The following FAM13A variants were observed in gnomAD, a reference collection of about 807,000 sequenced individuals.
FAM13A encodes protein FAM13A.
A neutral mutation model predicts 129.6 loss-of-function variants in FAM13A; 76 were observed. The ratio of observed to expected loss-of-function variants is 0.59; its 90% CI spans 0.49 to 0.71. The LOEUF (loss-of-function observed/expected upper bound fraction) is 0.71. Among genes scored for constraint, FAM13A ranks in the 30% least tolerant of loss-of-function variants. FAM13A has a pLI of 0.00. For synonymous variants in FAM13A, 443 were observed against 449.9 expected, an observed-to-expected ratio of 0.98 and a Z score of 0.20; for missense variants, 1,108 against 1,249.3, an observed-to-expected ratio of 0.89 and a Z score of 1.70.
intron 4 of FAM13A, among the ~76,000 whole-genome samples, chr4:88,942,350 T>C (rs1409898347): frequency 1.3e-5 from 2 of 152,022 alleles, no homozygotes; most frequent in Non-Finnish European, 2.9e-5. Context: ...GCGGATCACC[T>C]GAGGTTAGGA....
chr4:89,000,653 C>T (rs1764136898), intron 3 of FAM13A, among the ~76,000 whole-genome samples: 2 of 152,134 alleles, frequency 1.3e-5, no homozygotes, highest in South Asian at 4.1e-4. Context: ...GAATTGTACA[C>T]TTTAAGAAGG....
rs748135534 is a variant in FAM13A, at chr4:89,020,459, C to T, written c.427+1G>A. The T allele has an allele frequency of 5.6e-6, 9 of 1,611,400 alleles. No individual in the cohort carries two copies. The highest frequency in any genetic ancestry group is 5.9e-6 in the Non-Finnish European group (7 of 1,177,752). On this transcript the variant is annotated splice_donor_variant, in intron 3 of 23. Coordinates refer to ENST00000264344, the MANE Select transcript of FAM13A (RefSeq NM_014883.4). LOFTEE classifies it high-confidence loss of function. ...CTCCTAAAAGGATTTATTGTACTAA[C>T]CCTGAAAGAGTTGAATGAATCGAGG...
chr4:89,045,996 C>T (rs144852179), intron 1 of FAM13A, among the ~76,000 whole-genome samples: 6,423 of 148,676 alleles, frequency 0.043, 206 homozygotes, highest in Non-Finnish European at 0.069. Flanking sequence ...CGCACTCCAG[C>T]CTGGGCAACA....
At chr4:88,923,571 T>C (rs1751521615) in intron 5 of FAM13A, among the ~76,000 whole-genome samples, 1 of 152,110 alleles carries the variant, frequency 6.6e-6, no homozygotes, top group South Asian at 2.1e-4. Context: ...TAAGAGCTAT[T>C]TATGACAAAC....
intron 14 of FAM13A, among the ~76,000 whole-genome samples, chr4:88,756,992 A>G (rs1743781119): frequency 1.3e-5 from 2 of 152,218 alleles, no homozygotes; most frequent in South Asian, 4.1e-4. Flanking sequence ...TACTTGGAAT[A>G]CACAATCCAC....
chr4:89,041,713 G>C (rs778421512), intron 1 of FAM13A, among the ~76,000 whole-genome samples: 6 of 152,094 alleles, frequency 3.9e-5, no homozygotes, highest in Non-Finnish European at 7.4e-5. Context: ...TTGAGCCCAG[G>C]AGTTCGAGAC....
intron 6 of FAM13A, among the ~76,000 whole-genome samples, chr4:88,873,323 A>C (rs1487934596): frequency 6.6e-6 from 1 of 152,228 alleles, no homozygotes; most frequent in Non-Finnish European, 1.5e-5. Flanking sequence ...GACACAAAAA[A>C]ACCCTTCAAA....
intron 6 of FAM13A, among the ~76,000 whole-genome samples, chr4:88,869,563 T>C (rs1741004399): frequency 6.6e-6 from 1 of 152,256 alleles, no homozygotes; most frequent in African/African-American, 2.4e-5. Context: ...TTCCCTGATG[T>C]ATCAGCTTAA....
At chr4:88,902,049 T>G (rs147137190) in intron 6 of FAM13A, among the ~76,000 whole-genome samples, 18 of 152,108 alleles carry the variant, frequency 1.2e-4, no homozygotes, top group African/African-American at 4.1e-4. Context: ...CTCCCAAGAC[T>G]GAAACAGGAT....
chr4:88,842,470 A>T (rs1011893617), intron 7 of FAM13A, among the ~76,000 whole-genome samples: 2 of 152,210 alleles, frequency 1.3e-5, no homozygotes, highest in Admixed American at 1.3e-4. Flanking sequence ...CTTTTACATC[A>T]CTTCTATTGT....
Position 88,739,108 on chromosome 4 carries a change from C to A in FAM13A, c.2484G>T (p.Arg828=). 2 of 1,613,582 alleles carry A rather than the reference C, an allele frequency of 1.2e-6. No individual in the cohort carries two copies. The highest frequency in any genetic ancestry group is 2.2e-5 in the South Asian group (2 of 91,060). Residue 828 remains arginine (R), a synonymous_variant, in exon 20 of 24, where the codon CGG becomes CGT. Transcript: ENST00000264344. Reference sequence around the variant, plus strand: ...TGTCGTATAGTGGCTTCATCACCTGCCGTTCGTTCTTTGTTACCTGAAAAG... The same window carrying A: ...TGTCGTATAGTGGCTTCATCACCTGACGTTCGTTCTTTGTTACCTGAAAAG... ...IHGRPVTKNE[R]QVMKPLYDRY...
chr4:89,054,568 C>T (rs958687899), intron 1 of FAM13A, among the ~76,000 whole-genome samples: 6 of 152,144 alleles, frequency 3.9e-5, no homozygotes, highest in Non-Finnish European at 5.9e-5. Flanking sequence ...CTCAGTCTCT[C>T]TTTTTCTTTC....
At chr4:88,895,038 A>C (rs186725250) in intron 6 of FAM13A, among the ~76,000 whole-genome samples, 249 of 152,306 alleles carry the variant, frequency 1.6e-3, no homozygotes, top group African/African-American at 5.7e-3. Context: ...GAAAGTCTCA[A>C]ATATTCAAAA....
chr4:88,795,776 A>C (rs957489315), intron 8 of FAM13A, among the ~76,000 whole-genome samples: 2 of 151,762 alleles, frequency 1.3e-5, no homozygotes, highest in Non-Finnish European at 3.0e-5. Flanking sequence ...TTTGATTCAA[A>C]TAGATGTTCT....
chr4:88,955,904 C>A (rs1226426790), intron 4 of FAM13A, among the ~76,000 whole-genome samples: 1 of 152,060 alleles, frequency 6.6e-6, no homozygotes, highest in Admixed American at 6.6e-5. Flanking sequence ...AAAAGAAAAA[C>A]CCATTTTCTG....
At chr4:88,807,356 G>A (rs1398207861) in intron 7 of FAM13A, among the ~76,000 whole-genome samples, 1 of 151,996 alleles carries the variant, frequency 6.6e-6, no homozygotes, top group Non-Finnish European at 1.5e-5. Flanking sequence ...TATGACTGCG[G>A]GCCAGATCCT....
intron 6 of FAM13A, among the ~76,000 whole-genome samples, chr4:88,899,224 T>G (rs894239255): frequency 1.3e-5 from 2 of 152,086 alleles, no homozygotes; most frequent in Non-Finnish European, 2.9e-5. Context: ...AGACTATTAT[T>G]CTAAGTGAAG....
intron 6 of FAM13A, among the ~76,000 whole-genome samples, chr4:88,865,888 T>G (rs1181999960): frequency 1.5e-5 from 2 of 137,224 alleles, no homozygotes; most frequent in African/African-American, 5.6e-5. Context: ...CTTTTTTTTT[T>G]TTTTTTTTTT....
intron 4 of FAM13A, among the ~76,000 whole-genome samples, chr4:88,956,216 C>A (rs6532091): frequency 6.6e-6 from 1 of 152,088 alleles, no homozygotes; most frequent in African/African-American, 2.4e-5. Flanking sequence ...AGATGCCTGA[C>A]GTAGGTGTAC....
Sources: allele counts gnomAD v4.1 joint callset (sites outside exome capture counted in the v4.1 genomes callset), GRCh38; gene constraint gnomAD v4.1.1; transcripts MANE v1.5; gene names NCBI Gene and HGNC (gene_info 2026-07-23, HGNC 2026-07-21).